The following KALRN variants were observed in gnomAD, a reference collection of about 807,000 sequenced individuals.
The protein encoded by KALRN is kalirin.
Under a neutral mutation model 353.7 loss-of-function variants are expected in KALRN, and 70 were observed. The ratio of observed to expected loss-of-function variants is 0.20; its 90% confidence interval spans 0.16 to 0.24. The LOEUF (loss-of-function observed/expected upper bound fraction) is 0.24, where lower values mean the gene tolerates loss of function less well. Among genes scored for constraint, KALRN ranks in the 10% least tolerant of loss-of-function variants. The probability of loss-of-function intolerance (pLI) is 1.00; values close to 1 mark genes in which losing one functional copy is unlikely to be tolerated. For synonymous variants in KALRN, 1,391 were observed against 1,434.8 expected, an observed-to-expected ratio of 0.97 and a Z score of 0.69; for missense variants, 2,791 against 3,756.7, an observed-to-expected ratio of 0.74 and a Z score of 6.72.
chr3:124,311,504 C>T (rs1168463779), intron 6 of KALRN, among the ~76,000 whole-genome samples: 1 of 151,960 alleles, frequency 6.6e-6, no homozygotes, highest in East Asian at 1.9e-4. Flanking sequence ...CAAATGTTAG[C>T]AAGGATATGG....
intron 10 of KALRN, among the ~76,000 whole-genome samples, chr3:124,368,681 A>G (rs1271149217): frequency 1.4e-5 from 2 of 146,942 alleles, no homozygotes; most frequent in African/African-American, 2.5e-5. Flanking sequence ...AGAGGCTGCA[A>G]TCTCGGCACT....
intron 34 of KALRN, among the ~76,000 whole-genome samples, chr3:124,617,004 C>T (rs1028838308): frequency 1.3e-5 from 2 of 151,030 alleles, no homozygotes; most frequent in African/African-American, 4.9e-5. Context: ...AAGTTTTGTC[C>T]CTAGCTTTTC....
At chr3:124,575,379 C>T (rs1200316743) in intron 34 of KALRN, among the ~76,000 whole-genome samples, 1 of 152,218 alleles carries the variant, frequency 6.6e-6, no homozygotes, top group Non-Finnish European at 1.5e-5. Context: ...TCAGAATGTT[C>T]CAGTGTCTCC....
intron 33 of KALRN, among the ~76,000 whole-genome samples, chr3:124,502,151 A>T (rs1561157333): frequency 2.6e-5 from 4 of 152,260 alleles, no homozygotes; most frequent in Non-Finnish European, 5.9e-5. Flanking sequence ...CAGAATAGGG[A>T]TGGAGTTAGG....
At chr3:124,385,096 G>A in intron 11 of KALRN, 60 bp downstream of exon 11, 1 of 1,459,272 alleles carries the variant, frequency 6.9e-7, no homozygotes, top group Non-Finnish European at 9.3e-7. Context: ...CGGCTTCCTA[G>A]TAAAATGGCC....
At chr3:124,211,853 A>C (rs533365276) in intron 1 of KALRN, among the ~76,000 whole-genome samples, 6 of 152,270 alleles carry the variant, frequency 3.9e-5, no homozygotes, top group African/African-American at 1.2e-4. Context: ...ACTGAAAAGC[A>C]TAGGGCCATC....
At chr3:124,252,138 C>A (rs2071257929) in intron 3 of KALRN, among the ~76,000 whole-genome samples, 1 of 152,150 alleles carries the variant, frequency 6.6e-6, no homozygotes, top group African/African-American at 2.4e-5. Context: ...GCAAACAAAT[C>A]TCTACAACTT....
At chr3:124,090,061 G>C (rs2061025970) in intron 1 of KALRN, among the ~76,000 whole-genome samples, 1 of 152,144 alleles carries the variant, frequency 6.6e-6, no homozygotes, top group African/African-American at 2.4e-5. Flanking sequence ...GGGTAGACGA[G>C]CTTTATAAGG....
chr3:124,342,165 T>A (rs1480826203), intron 9 of KALRN, among the ~76,000 whole-genome samples: 1 of 152,086 alleles, frequency 6.6e-6, no homozygotes, highest in Non-Finnish European at 1.5e-5. Flanking sequence ...TTTATTTATT[T>A]ATTTATTTAT....
At chr3:124,614,894 T>A (rs1479171667) in intron 34 of KALRN, among the ~76,000 whole-genome samples, 1 of 152,224 alleles carries the variant, frequency 6.6e-6, no homozygotes, top group African/African-American at 2.4e-5. Flanking sequence ...TATACACTGT[T>A]CAGTCTGTCT....
intron 5 of KALRN, among the ~76,000 whole-genome samples, chr3:124,282,321 G>T (rs1183623748): frequency 1.3e-5 from 2 of 151,574 alleles, no homozygotes; most frequent in African/African-American, 2.4e-5. Flanking sequence ...TGATTATGAA[G>T]GTTACTAAAA....
chr3:124,038,814 G>A (rs986504410), intron 1 of KALRN, among the ~76,000 whole-genome samples: 2 of 152,166 alleles, frequency 1.3e-5, no homozygotes, highest in Admixed American at 6.5e-5. Flanking sequence ...AATTCTATAA[G>A]TGACACCTTC....
At chr3:124,608,407 G>A (rs892559592) in intron 34 of KALRN, among the ~76,000 whole-genome samples, 1 of 152,166 alleles carries the variant, frequency 6.6e-6, no homozygotes, top group African/African-American at 2.4e-5. Context: ...GCCATGAAGA[G>A]CAGATGAGTC....
At chr3:124,131,571 CAATGCTGTGACT>C (rs901140391) in intron 1 of KALRN, among the ~76,000 whole-genome samples, 2 of 152,148 alleles carry the variant, frequency 1.3e-5, no homozygotes, top group African/African-American at 4.8e-5. Context: ...TTGACAAAGA[CAATGCTGTGACT>C]TTAAAGAATT....
Position 124,462,002 on chromosome 3 carries a change from A to C in KALRN, c.3921+46A>C, listed in dbSNP as rs186799595. 14 of 1,415,386 alleles carry C rather than the reference A, an allele frequency of 9.9e-6. No homozygotes were observed. In the Middle Eastern group the frequency reaches 5.3e-4, roughly 54 times the overall value. 87.7% of individuals were successfully genotyped at this position (1,415,386 alleles called of 1,614,324 possible). On this transcript the variant is annotated intron_variant, in intron 24 of 59. Coordinates refer to ENST00000682506, the MANE Select transcript of KALRN (RefSeq NM_001388419.1). ...TTCACAGCTATATTGGAAAAATGAC[A>C]TCCTTGCCAGCATCAAGTCCTCAAT... is the stretch of plus-strand genomic sequence containing the variant.
At chr3:124,456,756 T>G in intron 23 of KALRN, 28 bp downstream of exon 23, 47 of 1,472,432 alleles carry the variant, frequency 3.2e-5, no homozygotes, top group Non-Finnish European at 4.3e-5. Flanking sequence ...CCCAGCTAGC[T>G]GGCTCCCCGT....
rs1166202016 is a variant in KALRN at position 124,269,111 on chromosome 3, C to T, written c.825C>T (p.Asp275=). Residue 275 remains aspartate, a synonymous_variant, in exon 5 of 60, where the codon GAC becomes GAT. Transcript: ENST00000682506. ...GCAACTGCATCCCGGGCAGTGCTGA[C>T]TTCCAGAGCCTGGTGCCCAAGATCA... ...SGRNCIPGSA[D]FQSLVPKITS... is the part of the protein sequence containing the mutation. 1 of 1,613,280 alleles carries T rather than the reference C, an allele frequency of 6.2e-7. No individual in the cohort carries two copies. Among genetic ancestry groups the T allele is most frequent in the Admixed American group, 1.7e-5 (1 of 60,006 alleles).
intron 34 of KALRN, among the ~76,000 whole-genome samples, chr3:124,576,030 C>G (rs180851518): frequency 6.6e-6 from 1 of 151,882 alleles, no homozygotes; most frequent in South Asian, 2.1e-4. Flanking sequence ...CATACGCTCA[C>G]CTCAGGGCCT....
intron 14 of KALRN, among the ~76,000 whole-genome samples, chr3:124,416,676 C>A (rs2092517425): frequency 6.6e-6 from 1 of 152,196 alleles, no homozygotes; most frequent in Non-Finnish European, 1.5e-5. Flanking sequence ...CACAGCAGAG[C>A]TGGAGGGTGG....
Sources: gnomAD v4.1 joint callset for allele counts (sites outside exome capture counted in the v4.1 genomes callset) on GRCh38, gnomAD v4.1.1 for gene constraint, MANE v1.5 for transcripts, NCBI Gene and HGNC (gene_info 2026-07-23, HGNC 2026-07-21) for gene names.